UBIAD1: variants seen among roughly 807,000 people sequenced by gnomAD.
UBIAD1 encodes UbiA prenyltransferase domain containing 1.
Under a neutral mutation model 20.1 loss-of-function variants are expected in UBIAD1, and 12 were observed. That is an observed-to-expected ratio of 0.60 (90% CI 0.38 to 0.97). The LOEUF (loss-of-function observed/expected upper bound fraction) is 0.97. Ranked by LOEUF, UBIAD1 falls within the 50% of genes least tolerant of loss-of-function variation. UBIAD1 has a pLI of 0.00. For missense variants in UBIAD1, 333 were observed against 419.5 expected, an observed-to-expected ratio of 0.79 and a Z score of 1.80; for synonymous variants, 207 against 189.2, an observed-to-expected ratio of 1.09 and a Z score of -0.77.
At chr1:11,278,005 T>C (rs1652113408) in intron 1 of UBIAD1, among the ~76,000 whole-genome samples, 1 of 152,200 alleles carries the variant, frequency 6.6e-6, no homozygotes, top group Admixed American at 6.5e-5. Flanking sequence ...TCACTCAGGC[T>C]AGAGTGCAGT....
chr1:11,280,524 C>G (rs1010369994), intron 1 of UBIAD1, among the ~76,000 whole-genome samples: 1 of 152,202 alleles, frequency 6.6e-6, no homozygotes, highest in African/African-American at 2.4e-5. Flanking sequence ...ATAAACATCT[C>G]AAGCTTAACA....
At chr1:11,289,708 C>T (rs1040280825), downstream of UBIAD1, among the ~76,000 whole-genome samples, 1 of 151,732 alleles carries the variant, frequency 6.6e-6, no homozygotes, top group Non-Finnish European at 1.5e-5. Context: ...GGATTACAGG[C>T]ACGTACCACC....
chr1:11,299,127 C>G (rs1638492609), downstream of UBIAD1, among the ~76,000 whole-genome samples: 1 of 152,200 alleles, frequency 6.6e-6, no homozygotes, highest in African/African-American at 2.4e-5. Context: ...AGGCCCTGCC[C>G]TGGAAACCCC....
At position 11,286,426 on chromosome 1, in the gene UBIAD1, G is replaced by A. The variant is rs904203949; in HGVS notation, c.*295G>A. ...GGGTGTTCTCAGGTCACTTTGCAGTGAAGTGGACTTAGTTCCTCCTTGTTC... is the reference window on the plus strand; with the variant it reads ...GGGTGTTCTCAGGTCACTTTGCAGTAAAGTGGACTTAGTTCCTCCTTGTTC... On this transcript the variant is annotated 3_prime_UTR_variant, in exon 2 of 2. Coordinates refer to ENST00000376810, the MANE Select transcript of UBIAD1 (RefSeq NM_013319.3). 169 of 435,740 alleles carry A rather than the reference G, an allele frequency of 3.9e-4. No homozygotes were observed. Among genetic ancestry groups the A allele is most frequent in the South Asian group, 1.2e-3 (58 of 46,640 alleles). The allele number at this position is 435,740 out of a possible 1,614,324, so 27.0% of individuals were successfully genotyped here.
rs1343543771 is a variant in UBIAD1, at chr1:11,286,321, A to G, written c.*190A>G. 5.4e-6 allele frequency: 4 copies of G among 741,432 alleles called. No individual in the cohort carries two copies. In the Admixed American group the frequency reaches 1.1e-4, roughly 21 times the overall value. The allele number at this position is 741,432 out of a possible 1,614,324, so 45.9% of individuals were successfully genotyped here. A position where few individuals can be genotyped will look rare whatever the true frequency, so the allele number is the denominator to read the frequency against. ...TTCTGTTTTTTGTTTTTTCCATTTTATGGGGAATTTAAAAACCATTCTTGT... is the reference window on the plus strand; with the variant it reads ...TTCTGTTTTTTGTTTTTTCCATTTTGTGGGGAATTTAAAAACCATTCTTGT... On this transcript the variant is annotated 3_prime_UTR_variant, in exon 2 of 2. Transcript: ENST00000376810.
chr1:11,273,449 G>A lies in UBIAD1; in HGVS notation c.-83G>A, dbSNP rs1651851897. ...AACCGAAGGAAGGTCGGGCCCTGCT[G>A]CCCCGCCCCGTCCTTCCTCCTTCCC... On this transcript the variant is annotated 5_prime_UTR_variant, in exon 1 of 2. Transcript: ENST00000376810. This position sits in a 1 kb window ranked among gnomAD's most constrained non-coding sequence, Gnocchi z 4.9. 1.9e-6 allele frequency: 3 copies of A among 1,563,552 alleles called. No homozygotes were observed. In the East Asian group the frequency reaches 6.7e-5, roughly 35 times the overall value.
intron 1 of UBIAD1, among the ~76,000 whole-genome samples, chr1:11,278,257 C>T (rs1431406349): frequency 1.3e-5 from 2 of 152,134 alleles, no homozygotes; most frequent in Non-Finnish European, 2.9e-5. Flanking sequence ...TGTGCCCAGC[C>T]CTGTTTTCTT....
Position 11,273,787 on chromosome 1 carries a change from G to A in UBIAD1, c.256G>A (p.Gly86Ser), listed in dbSNP as rs1313429993. 1 of 1,614,018 alleles carries A rather than the reference G, an allele frequency of 6.2e-7. No homozygotes were observed. Among genetic ancestry groups the A allele is most frequent in the African/African-American group, 1.3e-5 (1 of 74,936 alleles). The change falls in exon 1 of 2, where the codon GGT becomes AGT. Residue 86 changes from glycine (G) to serine (S), a missense_variant. Transcript: ENST00000376810. This position sits in a 1 kb window ranked among gnomAD's most constrained non-coding sequence, Gnocchi z 4.9. ...HGVLDPRLLV[G>S]CAVAVLAVHG... ...TGTCCTGGATCCCAGGCTCTTGGTG[G>A]GTTGTGCCGTGGCTGTCCTGGCTGT...
chr1:11,290,506 A>G (rs1638350667), downstream of UBIAD1, among the ~76,000 whole-genome samples: 1 of 152,036 alleles, frequency 6.6e-6, no homozygotes, highest in African/African-American at 2.4e-5. Context: ...TACCTATGAT[A>G]ATGCTCCATC....
chr1:11,273,280 G>C lies in UBIAD1; in HGVS notation c.-252G>C, dbSNP rs1651842617. 1.8e-6 allele frequency: 1 copy of C among 554,958 alleles called. No individual in the cohort carries two copies. The allele number at this position is 554,958 out of a possible 1,614,324, so 34.4% of individuals were successfully genotyped here. On this transcript the variant is annotated 5_prime_UTR_variant, in exon 1 of 2. Transcript: ENST00000376810. The surrounding 1 kb of genome is among the most constrained non-coding windows in gnomAD (Gnocchi z 4.9). ...GAAGGCGGCCGCGGCTCAGCCGTGG[G>C]CTCTAACGCGGGGCTGGGGGCCGGA... is the stretch of plus-strand genomic sequence containing the variant.
exon 2 of UBIAD1, chr1:11,295,049 C>T (rs1638425871): frequency 3.0e-6 from 2 of 673,352 alleles, no homozygotes; most frequent in Non-Finnish European, 5.4e-6. Flanking sequence ...CTGGAGCTGA[C>T]AATTGTATGC....
chr1:11,293,695 G>C (rs957679307), intron 1 of UBIAD1: 1 of 152,210 alleles, frequency 6.6e-6, no homozygotes, highest in African/African-American at 2.4e-5. Flanking sequence ...ATTATTTTGA[G>C]ATGGAGTTTT....
rs1252383808 is a variant in UBIAD1 at position 11,273,707 on chromosome 1, G to T, written c.176G>T (p.Ser59Ile). ...TTGGCCCTGAGGCCCTGGAGCTTCA[G>T]TGCCTCACTCACACCGGTGGCCCTG... is the stretch of plus-strand genomic sequence containing the variant. Reference protein sequence around the residue: ...YVLALRPWSFSASLTPVALGS... With the variant: ...YVLALRPWSFIASLTPVALGS... The change falls in exon 1 of 2, where the codon AGT becomes ATT. Residue 59 changes from serine to isoleucine, a missense_variant. By Grantham distance (142) the Ser-to-Ile change is moderately radical. This residue lies in a region of UBIAD1 where 50 missense variants were observed against 101.2 expected (regional missense o/e 0.49). Coordinates refer to ENST00000376810, the MANE Select transcript of UBIAD1 (RefSeq NM_013319.3). The surrounding 1 kb of genome is among the most constrained non-coding windows in gnomAD (Gnocchi z 4.9). The T allele has an allele frequency of 2.5e-6, 4 of 1,614,156 alleles. No individual in the cohort carries two copies. In the African/African-American group the frequency reaches 5.3e-5, roughly 22 times the overall value.
downstream of UBIAD1, among the ~76,000 whole-genome samples, chr1:11,290,846 C>T (rs1403582311): frequency 6.6e-6 from 1 of 152,042 alleles, no homozygotes; most frequent in Non-Finnish European, 1.5e-5. Context: ...ACCTGTAATC[C>T]CAGCTACTTG....
chr1:11,277,111 C>T (rs1652062132), intron 1 of UBIAD1, among the ~76,000 whole-genome samples: 1 of 151,918 alleles, frequency 6.6e-6, no homozygotes, highest in Non-Finnish European at 1.5e-5. Context: ...GTGGTGCATG[C>T]CTGTAGTCCC....
intron 1 of UBIAD1, among the ~76,000 whole-genome samples, chr1:11,294,529 C>A (rs1042102427): frequency 6.6e-6 from 1 of 152,196 alleles, no homozygotes; most frequent in African/African-American, 2.4e-5. Context: ...CCCTTAGCCG[C>A]TCCCAAGTGT....
chr1:11,273,293 G>A lies in UBIAD1; in HGVS notation c.-239G>A. On this transcript the variant is annotated 5_prime_UTR_variant, in exon 1 of 2. Transcript: ENST00000376810. This position sits in a 1 kb window ranked among gnomAD's most constrained non-coding sequence, Gnocchi z 4.9. ...GCTCAGCCGTGGGCTCTAACGCGGG[G>A]CTGGGGGCCGGAGACAGACTTCGCC... is the stretch of plus-strand genomic sequence containing the variant. 1 of 573,118 alleles carries A rather than the reference G, an allele frequency of 1.7e-6. No individual in the cohort carries two copies. Among genetic ancestry groups the A allele is most frequent in the Non-Finnish European group, 3.1e-6 (1 of 320,568 alleles). 35.5% of individuals were successfully genotyped at this position (573,118 alleles called of 1,614,324 possible).
downstream of UBIAD1, among the ~76,000 whole-genome samples, chr1:11,298,192 A>G (rs1169417559): frequency 6.6e-6 from 1 of 152,044 alleles, no homozygotes; most frequent in African/African-American, 2.4e-5. This position sits in a 1 kb window ranked among gnomAD's most constrained non-coding sequence, Gnocchi z 4.0. Flanking sequence ...TCCTGACCTC[A>G]AGTGATCCAC....
Position 11,273,412 on chromosome 1 carries a change from G to C in UBIAD1, c.-120G>C. The stretch of plus-strand genomic sequence containing the variant: ...CGGACCTTGCCGCCACACCAGCCCT[G>C]TCCTGGGGCGGAACCGAAGGAAGGT... On this transcript the variant is annotated 5_prime_UTR_variant, in exon 1 of 2. Transcript: ENST00000376810. This position sits in a 1 kb window ranked among gnomAD's most constrained non-coding sequence, Gnocchi z 4.9. 1 of 1,324,070 alleles carries C rather than the reference G, an allele frequency of 7.6e-7. No individual in the cohort carries two copies. The highest frequency in any genetic ancestry group is 1.2e-5 in the South Asian group (1 of 81,622). 82.0% of individuals were successfully genotyped at this position (1,324,070 alleles called of 1,614,324 possible).
Sources: allele counts gnomAD v4.1 joint callset (sites outside exome capture counted in the v4.1 genomes callset), GRCh38; gene constraint gnomAD v4.1.1; regional missense constraint gnomAD v4.1.1; non-coding constraint Gnocchi (gnomAD v3.1); transcripts MANE v1.5; gene names NCBI Gene and HGNC (gene_info 2026-07-23, HGNC 2026-07-21).